Variants in ERBB4 observed in about 807,000 individuals in gnomAD.
ERBB4 encodes erb-b2 receptor tyrosine kinase 4, also known as receptor tyrosine-protein kinase erbB-4.
Under a neutral mutation model 158.0 loss-of-function variants are expected in ERBB4, and 42 were observed. The ratio of observed to expected loss-of-function variants is 0.27; its 90% CI spans 0.21 to 0.34. The LOEUF is 0.34. ERBB4 is among the 10% of genes least tolerant of loss of function. ERBB4 has a pLI of 1.00. For missense variants in ERBB4, 1,333 were observed against 1,624.1 expected (o/e 0.82, Z 3.08); for synonymous variants, 583 against 558.7 (o/e 1.04, Z -0.61).
chr2:211,559,003 C>G (rs994471556), intron 20 of ERBB4, among the ~76,000 whole-genome samples: 5 of 152,050 alleles, frequency 3.3e-5, no homozygotes, highest in Non-Finnish European at 5.9e-5. Context: ...AATTTAACTA[C>G]CTCATTAACA....
intron 1 of ERBB4, among the ~76,000 whole-genome samples, chr2:212,325,600 G>A (rs959354547): frequency 6.6e-6 from 1 of 150,548 alleles, no homozygotes; most frequent in Admixed American, 6.6e-5. Context: ...TCGAACTGTG[G>A]GGAAATGCAT....
In ERBB4 at chr2:211,383,879, G is replaced by A. The variant is rs2125310734; in HGVS notation, c.3663C>T (p.Tyr1221=). The part of the protein sequence containing the change: ...TFANTLGKAE[Y]LKNNILSMPE... ...GCATTGACAGTATGTTGTTCTTCAG[G>A]TACTCAGCTTTTCCCAAGGTGTTGG... Residue 1221 remains tyrosine (Y), a synonymous_variant, in exon 28 of 28, where the codon TAC becomes TAT. Transcript: ENST00000342788. 6.2e-7 allele frequency: 1 copy of A among 1,614,022 alleles called. No individual in the cohort carries two copies. Among genetic ancestry groups the A allele is most frequent in the South Asian group, 1.1e-5 (1 of 91,062 alleles).
chr2:211,772,589 C>G (rs2075718685), intron 4 of ERBB4, among the ~76,000 whole-genome samples: 1 of 149,534 alleles, frequency 6.7e-6, no homozygotes, highest in Non-Finnish European at 1.5e-5. Context: ...TAATTTTGGG[C>G]CTCTCTCTCT....
rs139115907 is a variant in ERBB4 at position 212,375,811 on chromosome 2, T to C, written c.82+162638A>G. ...CAGAGCAACATGAATTCTGCTAAAG[T>C]TGAAGCAAGAACAAACATAAAATTT... On this transcript the variant is annotated intron_variant, in intron 1 of 27. Transcript: ENST00000342788. Among the ~76,000 whole-genome samples the C allele has an allele frequency of 6.4e-4, 97 of 152,168 alleles. 1 individual carries two copies. In the East Asian group the frequency reaches 0.018, roughly 28 times the overall value.
At chr2:211,920,277 T>C (rs2125075373) in intron 3 of ERBB4, among the ~76,000 whole-genome samples, 1 of 152,158 alleles carries the variant, frequency 6.6e-6, no homozygotes, top group African/African-American at 2.4e-5. Context: ...ATTCTTACCT[T>C]GTACTACAGG....
chr2:211,619,525 C>T (rs1285043322), intron 18 of ERBB4, among the ~76,000 whole-genome samples: 1 of 151,992 alleles, frequency 6.6e-6, no homozygotes, highest in East Asian at 1.9e-4. Flanking sequence ...TCAAATTCTA[C>T]TTGTGTGCAT....
chr2:211,811,447 T>G (rs961932009), intron 3 of ERBB4, among the ~76,000 whole-genome samples: 4 of 152,076 alleles, frequency 2.6e-5, no homozygotes, highest in Admixed American at 6.6e-5. Context: ...GCCCTTAACA[T>G]TTTTTGTTTC....
At chr2:211,713,706 G>A (rs2106088677) in intron 7 of ERBB4, 58 bp from the exon 8 acceptor site, 1 of 1,008,002 alleles carries the variant, frequency 9.9e-7, no homozygotes, top group Non-Finnish European at 1.6e-6. Context: ...CAGCAAACAA[G>A]CTCAAAACAA....
chr2:211,675,039 A>G (rs1266971022), intron 13 of ERBB4, among the ~76,000 whole-genome samples: 1 of 152,136 alleles, frequency 6.6e-6, no homozygotes, highest in Non-Finnish European at 1.5e-5. Context: ...GCTCTCAGAA[A>G]AGATCCTCCT....
intron 1 of ERBB4, among the ~76,000 whole-genome samples, chr2:212,281,604 G>T (rs981547138): frequency 1.3e-5 from 2 of 151,660 alleles, no homozygotes; most frequent in African/African-American, 2.4e-5. Context: ...TTTCCATCTT[G>T]TTCTCTCCTT....
chr2:211,578,471 AC>A (rs1444897344), intron 19 of ERBB4, among the ~76,000 whole-genome samples: 4 of 152,206 alleles, frequency 2.6e-5, no homozygotes, highest in Admixed American at 2.6e-4. Flanking sequence ...ATTATATGGA[AC>A]CAAAAAAGAG....
intron 3 of ERBB4, among the ~76,000 whole-genome samples, chr2:211,799,325 C>A (rs1402742986): frequency 6.6e-6 from 1 of 152,106 alleles, no homozygotes; most frequent in East Asian, 1.9e-4. Flanking sequence ...ATGTGTATTA[C>A]CATGTCTTCT....
intron 1 of ERBB4, among the ~76,000 whole-genome samples, chr2:212,461,930 A>G (rs896265659): frequency 2.6e-5 from 4 of 152,156 alleles, no homozygotes; most frequent in Admixed American, 2.6e-4. Context: ...TCCATGTAAG[A>G]CGTGACTTGC....
intron 5 of ERBB4, among the ~76,000 whole-genome samples, chr2:211,728,078 T>G (rs193179421): frequency 6.4e-4 from 97 of 151,874 alleles, no homozygotes; most frequent in Non-Finnish European, 1.1e-3. Flanking sequence ...CTTTAAGTCT[T>G]TGACCAAATC....
At chr2:211,752,265 A>C (rs2075154133) in intron 4 of ERBB4, among the ~76,000 whole-genome samples, 1 of 152,282 alleles carries the variant, frequency 6.6e-6, no homozygotes, top group Non-Finnish European at 1.5e-5. Context: ...AATAGGAAGC[A>C]GTGAAAACTT....
At chr2:212,107,011 A>T (rs1006700951) in intron 2 of ERBB4, among the ~76,000 whole-genome samples, 1 of 152,244 alleles carries the variant, frequency 6.6e-6, no homozygotes, top group African/African-American at 2.4e-5. Flanking sequence ...GCTCATGCAG[A>T]ACATCTGCTA....
At chr2:212,374,207 T>C (rs1300199189) in intron 1 of ERBB4, among the ~76,000 whole-genome samples, 1 of 151,000 alleles carries the variant, frequency 6.6e-6, no homozygotes, top group African/African-American at 2.4e-5. Flanking sequence ...CAGTGGCTAA[T>C]TTTTAAAATA....
chr2:212,036,356 G>A (rs919937588), intron 2 of ERBB4, among the ~76,000 whole-genome samples: 5 of 151,908 alleles, frequency 3.3e-5, no homozygotes, highest in Non-Finnish European at 7.4e-5. Flanking sequence ...AAAGTCAAGA[G>A]TACATTTTTT....
intron 1 of ERBB4, among the ~76,000 whole-genome samples, chr2:212,170,951 G>A (rs2081498793): frequency 6.6e-6 from 1 of 152,078 alleles, no homozygotes; most frequent in South Asian, 2.1e-4. Flanking sequence ...TAGTGGAGCT[G>A]TAAGAAGAGG....
Sources: allele counts gnomAD v4.1 joint callset (sites outside exome capture counted in the v4.1 genomes callset), GRCh38; gene constraint gnomAD v4.1.1; transcripts MANE v1.5; gene names NCBI Gene and HGNC (gene_info 2026-07-23, HGNC 2026-07-21).